Variants in GRHL2 observed in about 807,000 individuals in gnomAD.
GRHL2 encodes grainyhead like transcription factor 2, also known as grainyhead-like protein 2 homolog.
In GRHL2, 21 loss-of-function variants were observed where a neutral mutation model predicts 83.8. The ratio of observed to expected loss-of-function variants is 0.25; its 90% CI spans 0.18 to 0.36. GRHL2 has a LOEUF of 0.36. Ranked by LOEUF, GRHL2 falls within the 10% of genes least tolerant of loss-of-function variation. The pLI is 1.00. For synonymous variants in GRHL2, 280 were observed against 278.9 expected, an observed-to-expected ratio of 1.00 and a Z score of -0.04; for missense variants, 623 against 781.8, an observed-to-expected ratio of 0.80 and a Z score of 2.42.
At chr8:101,494,517 A>C (rs1810054774) in intron 1 of GRHL2, among the ~76,000 whole-genome samples, 2 of 152,238 alleles carry the variant, frequency 1.3e-5, no homozygotes, top group South Asian at 4.1e-4. Flanking sequence ...ATATCTCTCT[A>C]GTCTTCAAGG....
chr8:101,599,296 A>C lies in GRHL2; in HGVS notation c.1098+145A>C. 1.0e-5 allele frequency: 7 copies of C among 693,538 alleles called. No homozygotes were observed. In the South Asian group the frequency reaches 1.1e-4, roughly 11 times the overall value. The allele number at this position is 693,538 out of a possible 1,614,324, so 43.0% of individuals were successfully genotyped here. On this transcript the variant is annotated intron_variant, in intron 8 of 15. Transcript: ENST00000646743. ...TTGCCTTTGTGGAGGGTAAGGGAGA[A>C]AAGGGAGTGTGCTCCTCTGTGGCTT...
At position 101,558,586 on chromosome 8, in the gene GRHL2, C is replaced by T. The variant is rs1394251742; in HGVS notation, c.452C>T (p.Pro151Leu). 6.2e-7 allele frequency: 1 copy of T among 1,614,134 alleles called. No homozygotes were observed. Among genetic ancestry groups the T allele is most frequent in the Non-Finnish European group, 8.5e-7 (1 of 1,180,018 alleles). ...TTCCCCGAGAGCTCTGCCATCATCC[C>T]GGTGTCGGGAATCACGGTGGTGAAA... is the stretch of plus-strand genomic sequence containing the variant. Reference protein sequence around the residue: ...ISFPESSAIIPVSGITVVKAE... With the variant: ...ISFPESSAIILVSGITVVKAE... The change falls in exon 4 of 16, where the codon CCG becomes CTG. Residue 151 changes from proline to leucine, a missense_variant. Physicochemically the swap from Pro to Leu is moderately conservative, Grantham distance 98 (BLOSUM62 -3). Coordinates refer to ENST00000646743, the MANE Select transcript of GRHL2 (RefSeq NM_024915.4).
chr8:101,495,335 A>T (rs1461502428), intron 1 of GRHL2, among the ~76,000 whole-genome samples: 1 of 152,280 alleles, frequency 6.6e-6, no homozygotes, highest in Non-Finnish European at 1.5e-5. Flanking sequence ...CTGGTTAACA[A>T]GTCTGGACTG....
chr8:101,499,495 G>C (rs1480352246), intron 1 of GRHL2, among the ~76,000 whole-genome samples: 1 of 151,928 alleles, frequency 6.6e-6, no homozygotes. Flanking sequence ...TCTGCGCATA[G>C]AGATAACGGT....
chr8:101,672,837 A>T (rs1172588725), downstream of GRHL2, among the ~76,000 whole-genome samples: 319 of 152,140 alleles, frequency 2.1e-3, 5 homozygotes, highest in Non-Finnish European at 3.5e-4. Context: ...GAAGCCCATC[A>T]GACTAACAGC....
At chr8:101,527,952 G>T (rs1428049748) in intron 1 of GRHL2, among the ~76,000 whole-genome samples, 3 of 152,082 alleles carry the variant, frequency 2.0e-5, no homozygotes, top group African/African-American at 7.2e-5. Context: ...CCCAGTATTT[G>T]TAGCATTTTT....
At chr8:101,651,009 T>C (rs1166496388) in intron 14 of GRHL2, among the ~76,000 whole-genome samples, 2 of 152,144 alleles carry the variant, frequency 1.3e-5, no homozygotes, top group Non-Finnish European at 2.9e-5. Flanking sequence ...TTTTCCATAG[T>C]ATGGAGTTTG....
At chr8:101,581,241 T>C (rs995810410) in intron 7 of GRHL2, among the ~76,000 whole-genome samples, 1 of 152,186 alleles carries the variant, frequency 6.6e-6, no homozygotes, top group Non-Finnish European at 1.5e-5. Flanking sequence ...CAGTTTGATA[T>C]GCGGTTCTTG....
chr8:101,589,322 T>C (rs1327932415), intron 7 of GRHL2, among the ~76,000 whole-genome samples: 15 of 152,200 alleles, frequency 9.9e-5, no homozygotes, highest in Admixed American at 9.8e-4. Flanking sequence ...CATGGACTAA[T>C]GAAATGAGTT....
At chr8:101,520,199 G>A (rs1270981033) in intron 1 of GRHL2, among the ~76,000 whole-genome samples, 1 of 152,164 alleles carries the variant, frequency 6.6e-6, no homozygotes, top group Non-Finnish European at 1.5e-5. Flanking sequence ...TAAAGACAGA[G>A]GTGGAGTCCA....
At chr8:101,524,347 TG>T (rs1810757500) in intron 1 of GRHL2, among the ~76,000 whole-genome samples, 1 of 152,230 alleles carries the variant, frequency 6.6e-6, no homozygotes, top group South Asian at 2.1e-4. Context: ...TTCGTTAATT[TG>T]TTTTATCTTT....
intron 14 of GRHL2, among the ~76,000 whole-genome samples, chr8:101,653,204 T>A (rs1320447908): frequency 1.3e-5 from 2 of 152,146 alleles, no homozygotes; most frequent in East Asian, 1.9e-4. Flanking sequence ...CTGGCCCCCA[T>A]GTTTTGTTTT....
At chr8:101,647,759 T>TTTTTTC (rs1813541801) in intron 13 of GRHL2, among the ~76,000 whole-genome samples, 1 of 152,184 alleles carries the variant, frequency 6.6e-6, no homozygotes, top group Non-Finnish European at 1.5e-5. Context: ...TCTTTTTTTT[T>TTTTTTC]CATACACTAA....
chr8:101,675,705 A>C, the GRHL2 span, among the ~76,000 whole-genome samples: 7 of 152,174 alleles, frequency 4.6e-5, no homozygotes, highest in African/African-American at 1.7e-4. Flanking sequence ...ATTGGAAAAA[A>C]CTACTTTAAA....
At chr8:101,570,304 T>C (rs191539756) in intron 4 of GRHL2, 35 bp from the exon 5 acceptor site, 3 of 1,529,230 alleles carry the variant, frequency 2.0e-6, no homozygotes, top group Admixed American at 3.3e-5. Flanking sequence ...ATGACTTACC[T>C]ATTTGTTTTA....
chr8:101,621,110 T>G (rs1812956379), intron 9 of GRHL2, among the ~76,000 whole-genome samples: 1 of 152,154 alleles, frequency 6.6e-6, no homozygotes, highest in Admixed American at 6.5e-5. Context: ...CTGGGAGCCA[T>G]GAAGCTAGAA....
intron 1 of GRHL2, among the ~76,000 whole-genome samples, chr8:101,495,395 T>C (rs1586390060): frequency 6.6e-6 from 1 of 152,226 alleles, no homozygotes; most frequent in African/African-American, 2.4e-5. Flanking sequence ...TGAAACGTTC[T>C]GCTTTTGATG....
At chr8:101,609,404 C>G (rs1389195383) in intron 8 of GRHL2, among the ~76,000 whole-genome samples, 14 of 151,016 alleles carry the variant, frequency 9.3e-5, no homozygotes, top group Admixed American at 9.2e-4. Context: ...GCCCTTTAAC[C>G]TGTGTTTCAG....
chr8:101,569,386 G>A (rs1811776965), intron 4 of GRHL2, among the ~76,000 whole-genome samples: 1 of 152,092 alleles, frequency 6.6e-6, no homozygotes, highest in South Asian at 2.1e-4. Flanking sequence ...ACTGAATAGG[G>A]TCAAATTATT....
Sources: allele counts gnomAD v4.1 joint callset (sites outside exome capture counted in the v4.1 genomes callset), GRCh38; gene constraint gnomAD v4.1.1; transcripts MANE v1.5; gene names NCBI Gene and HGNC (gene_info 2026-07-23, HGNC 2026-07-21).